The following DHX30 variants were observed in gnomAD, a reference collection of about 807,000 sequenced individuals.
DHX30 encodes DExH-box helicase 30.
In DHX30, 4 loss-of-function variants were observed where a neutral mutation model predicts 116.9. The ratio of observed to expected loss-of-function variants is 0.03; its 90% confidence interval spans 0.02 to 0.08. The LOEUF is 0.08. Among genes scored for constraint, DHX30 ranks in the 10% least tolerant of loss-of-function variants. The pLI, the probability that DHX30 is intolerant of heterozygous loss-of-function variation, is 1.00. For missense variants in DHX30, 871 were observed against 1,595.1 expected (o/e 0.55, Z 7.73); for synonymous variants, 697 against 651.7 (o/e 1.07, Z -1.06).
intron 18 of DHX30, 35 bp from the exon 19 acceptor site, chr3:47,849,157 G>A: frequency 1.2e-6 from 2 of 1,613,434 alleles, no homozygotes; most frequent in Non-Finnish European, 1.7e-6. Context: ...CTGTGGCTAG[G>A]GGCTGTAGGT....
In DHX30 at chr3:47,846,154, C is replaced by G; in HGVS notation, c.1093-11C>G. On this transcript the variant is annotated splice_polypyrimidine_tract_variant and intron_variant, in intron 10 of 21. Coordinates refer to ENST00000445061, the MANE Select transcript of DHX30 (RefSeq NM_138615.3). The stretch of plus-strand genomic sequence containing the variant: ...CTTTTTCATTGTTTTGCTTGCCTCC[C>G]TGCCCTCCAGTACCCTGTGGAGAGT... 1.9e-6 allele frequency: 3 copies of G among 1,597,038 alleles called. No homozygotes were observed. Among genetic ancestry groups the G allele is most frequent in the Non-Finnish European group, 2.6e-6 (3 of 1,168,920 alleles).
chr3:47,847,109 C>T lies in DHX30; in HGVS notation c.1929+108C>T. The T allele has an allele frequency of 1.3e-6, 2 of 1,495,028 alleles. No homozygotes were observed. Among genetic ancestry groups the T allele is most frequent in the Non-Finnish European group, 1.8e-6 (2 of 1,093,286 alleles). The allele number at this position is 1,495,028 out of a possible 1,614,324, so 92.6% of individuals were successfully genotyped here. A position where few individuals can be genotyped will look rare whatever the true frequency, so the allele number is the denominator to read the frequency against. On this transcript the variant is annotated intron_variant, in intron 11 of 21. Transcript: ENST00000445061. This position sits in a 1 kb window ranked among gnomAD's most constrained non-coding sequence, Gnocchi z 5.5. ...CTGGGGCAAGTTACCCTCCCCAGTC[C>T]TCGGTTTCCTTGATAGAAACTGGGG...
chr3:47,843,199 C>G lies in DHX30; in HGVS notation c.883C>G (p.Arg295Gly). The G allele has an allele frequency of 1.2e-6, 2 of 1,614,252 alleles. No individual in the cohort carries two copies. Among genetic ancestry groups the G allele is most frequent in the Non-Finnish European group, 1.7e-6 (2 of 1,180,044 alleles). ...CCCCATGACCTTTGTTGCCAAAGGG[C>G]GCCGCAAAGCAGAGGCTGAGAATAA... ...PCPMTFVAKG[R>G]RKAEAENKAA... The change falls in exon 9 of 22, where the codon CGC (arginine) becomes GGC (glycine). Residue 295 changes from arginine (R) to glycine (G), a missense_variant. Transcript: ENST00000445061.
At chr3:47,842,474 T>A (rs2037422744) in intron 8 of DHX30, 1 of 152,362 alleles carries the variant, frequency 6.6e-6, no homozygotes, top group Admixed American at 6.5e-5. Flanking sequence ...ACCATTTGTC[T>A]TTTAAGTTGT....
intron 4 of DHX30, among the ~76,000 whole-genome samples, chr3:47,821,019 T>A (rs148834870): frequency 0.015 from 2,270 of 152,154 alleles, 35 homozygotes; most frequent in South Asian, 0.071. Context: ...GGTGGCATGA[T>A]GTCGGCTCAC....
chr3:47,840,957 T>G lies in DHX30; in HGVS notation c.447T>G (p.Pro149=). 1.2e-6 allele frequency: 2 copies of G among 1,614,234 alleles called. No homozygotes were observed. The highest frequency in any genetic ancestry group is 1.7e-6 in the Non-Finnish European group (2 of 1,180,044). The change falls in exon 7 of 22, where the codon CCT becomes CCG. Residue 149 remains proline, a synonymous_variant. Transcript: ENST00000445061. ...YRVLADRFGS[P]ADSWWRPEPT... ...TGCTAGCTGATCGCTTTGGCTCCCC[T>G]GCCGACAGCTGGTGGCGTCCGGAAC... is the stretch of plus-strand genomic sequence containing the variant.
chr3:47,841,663 C>T lies in DHX30; in HGVS notation c.715C>T (p.Leu239=). The change falls in exon 8 of 22, where the codon CTG becomes TTG. Residue 239 remains leucine, a synonymous_variant. Coordinates refer to ENST00000445061, the MANE Select transcript of DHX30 (RefSeq NM_138615.3). ...MTDDDSAIRA[L]TQFPLPKNLL... is the part of the protein sequence containing the mutation. The stretch of plus-strand genomic sequence containing the variant: ...AGATGACGACAGTGCCATTAGGGCT[C>T]TGACCCAGTTTCCACTTCCCAAGAA... The T allele has an allele frequency of 2.5e-6, 4 of 1,614,260 alleles. No individual in the cohort carries two copies. Among genetic ancestry groups the T allele is most frequent in the South Asian group, 1.1e-5 (1 of 91,092 alleles).
chr3:47,836,068 C>T (rs1223202091), intron 6 of DHX30, among the ~76,000 whole-genome samples: 3 of 152,232 alleles, frequency 2.0e-5, no homozygotes, highest in South Asian at 2.1e-4. Flanking sequence ...GCTGAGAAAT[C>T]CTTCTCTGCC....
rs913501194 is a variant in DHX30 at position 47,840,794 on chromosome 3, T to A, written c.367-83T>A. 10 of 1,566,008 alleles carry A rather than the reference T, an allele frequency of 6.4e-6. No homozygotes were observed. In the African/African-American group the frequency reaches 1.2e-4, roughly 19 times the overall value. ...AAAAACCACGGCTGCACAACACAAC[T>A]TAACGGTGTAGCTGGACACGGACCA... On this transcript the variant is annotated intron_variant, in intron 6 of 21. Transcript: ENST00000445061.
chr3:47,808,071 C>T (rs915803214), intron 2 of DHX30, among the ~76,000 whole-genome samples: 21 of 151,232 alleles, frequency 1.4e-4, no homozygotes, highest in African/African-American at 2.4e-4. Context: ...CCACCACGTC[C>T]GGCTAATTTT....
chr3:47,813,067 G>A (rs868243400), intron 3 of DHX30, among the ~76,000 whole-genome samples: 1 of 151,850 alleles, frequency 6.6e-6, no homozygotes, highest in East Asian at 2.0e-4. Flanking sequence ...TGCCGGGCGC[G>A]GTGGCTCACG....
rs1157980741 is a variant in DHX30, at chr3:47,847,194, C to T, written c.1930-79C>T. The T allele has an allele frequency of 3.2e-6, 5 of 1,581,826 alleles. No homozygotes were observed. The highest frequency in any genetic ancestry group is 2.2e-5 in the East Asian group (1 of 44,698). ...GAGTTGATGTCAAGCGGCTCCGTCT[C>T]ACTGAGTCAGGTGGCTGTGTCCTTG... On this transcript the variant is annotated intron_variant, in intron 11 of 21. Transcript: ENST00000445061. The surrounding 1 kb of genome is among the most constrained non-coding windows in gnomAD (Gnocchi z 5.5).
chr3:47,816,061 C>G (rs2106960446), intron 3 of DHX30: 1 of 984,660 alleles, frequency 1.0e-6, no homozygotes, highest in South Asian at 4.7e-5. Context: ...GAATTAGTTT[C>G]AAAATAAACC....
At chr3:47,812,784 C>T (rs2035861376) in intron 3 of DHX30, among the ~76,000 whole-genome samples, 1 of 151,010 alleles carries the variant, frequency 6.6e-6, no homozygotes, top group South Asian at 2.1e-4. Flanking sequence ...CTGCCTCAGC[C>T]TCCCGAGTAG....
chr3:47,823,996 C>CTTT lies in DHX30; in HGVS notation c.125-3329_125-3327dup, dbSNP rs759550719. Among the ~76,000 whole-genome samples the CTTT allele has an allele frequency of 2.7e-3, 271 of 100,330 alleles. 1 individual carries two copies. Among genetic ancestry groups the CTTT allele is most frequent in the Non-Finnish European group, 3.3e-3 (168 of 50,738 alleles). The allele number at this position is 100,330 out of a possible 152,430, so 65.8% of individuals were successfully genotyped here. On this transcript the variant is annotated intron_variant, in intron 4 of 21. Coordinates refer to ENST00000445061, the MANE Select transcript of DHX30 (RefSeq NM_138615.3). ...AGCTTTCAGATACCATTTTCTTTTC[C>CTTT]TTTTTTTTTTTTTTTTTTTTTTTTG... is the stretch of plus-strand genomic sequence containing the variant.
Position 47,849,506 on chromosome 3 carries a change from A to G in DHX30, c.3143A>G (p.Tyr1048Cys). 1.2e-6 allele frequency: 2 copies of G among 1,601,070 alleles called. No homozygotes were observed. The highest frequency in any genetic ancestry group is 1.7e-6 in the Non-Finnish European group (2 of 1,170,752). The change falls in exon 20 of 22, where the codon TAT becomes TGT. Residue 1048 changes from tyrosine to cysteine, a missense_variant. Tyr to Cys is a radical substitution (Grantham distance 194). Around this residue, in one of 13 missense-constraint regions of DHX30, gnomAD observed 238 missense variants for 481.0 expected, o/e 0.49. Transcript: ENST00000445061. ...AAGTTCAAGCCCAACAGCGTCACAT[A>G]TAGGACCAAATCAGGCAACATCCTG... Reference protein sequence around the residue: ...QGKFKPNSVTYRTKSGNILLH... With the variant: ...QGKFKPNSVTCRTKSGNILLH...
At chr3:47,836,905 G>C (rs945508192) in intron 6 of DHX30, among the ~76,000 whole-genome samples, 1 of 152,102 alleles carries the variant, frequency 6.6e-6, no homozygotes, top group Admixed American at 6.6e-5. Context: ...CTAGAACTCA[G>C]CCTTTTATTC....
chr3:47,803,692 C>T (rs1285766924), intron 1 of DHX30, among the ~76,000 whole-genome samples: 1 of 152,200 alleles, frequency 6.6e-6, no homozygotes, highest in East Asian at 1.9e-4. Context: ...CTAGTTTGCC[C>T]CCTTTTGCAC....
At position 47,847,832 on chromosome 3, in the gene DHX30, C is replaced by T. The variant is rs769138707; in HGVS notation, c.2162C>T (p.Pro721Leu). 2.5e-6 allele frequency: 4 copies of T among 1,614,222 alleles called. No individual in the cohort carries two copies. In the South Asian group the frequency reaches 3.3e-5, roughly 13 times the overall value. ...CAGAAGGCCATATTCCAGCAGCCTC[C>T]AGTTGGGGTGCGCAAGATTGTCTTG... ...MDQKAIFQQPPVGVRKIVLAT... is the reference protein window; with the variant it reads ...MDQKAIFQQPLVGVRKIVLAT... Residue 721 changes from proline to leucine, a missense_variant, in exon 14 of 22, where the codon CCA becomes CTA. Transcript: ENST00000445061. The surrounding 1 kb of genome is among the most constrained non-coding windows in gnomAD (Gnocchi z 5.5).
Sources: allele counts gnomAD v4.1 joint callset (sites outside exome capture counted in the v4.1 genomes callset), GRCh38; gene constraint gnomAD v4.1.1; regional missense constraint gnomAD v4.1.1; non-coding constraint Gnocchi (gnomAD v3.1); transcripts MANE v1.5; gene names NCBI Gene and HGNC (gene_info 2026-07-23, HGNC 2026-07-21).